FER1L6: variants seen among roughly 807,000 people sequenced by gnomAD.
FER1L6 encodes the protein fer-1 like family member 6.
FER1L6 carries 177 observed loss-of-function variants against 219.2 expected under a neutral mutation model. The observed-to-expected ratio is 0.81, with a 90% CI of 0.71 to 0.91. The LOEUF (loss-of-function observed/expected upper bound fraction) is 0.91. FER1L6 is among the 40% of genes least tolerant of loss of function. The pLI, the probability that FER1L6 is intolerant of heterozygous loss-of-function variation, is 0.00. For missense variants in FER1L6, 2,153 were observed against 2,259.9 expected, an observed-to-expected ratio of 0.95 and a Z score of 0.96; for synonymous variants, 768 against 824.3, an observed-to-expected ratio of 0.93 and a Z score of 1.17.
At chr8:124,022,671 A>C (rs1205869946) in intron 17 of FER1L6, among the ~76,000 whole-genome samples, 1 of 152,242 alleles carries the variant, frequency 6.6e-6, no homozygotes, top group Non-Finnish European at 1.5e-5. Flanking sequence ...AAGTCATTCA[A>C]AGACATTCAT....
intron 27 of FER1L6, 49 bp from the exon 28 acceptor site, chr8:124,067,718 T>C (rs1469713425): frequency 2.0e-6 from 3 of 1,487,114 alleles, no homozygotes; most frequent in Non-Finnish European, 1.9e-6. Context: ...AGCAGTCAAT[T>C]AATAAATCAA....
chr8:124,039,318 C>G (rs4871454), intron 19 of FER1L6, among the ~76,000 whole-genome samples: 127,909 of 152,120 alleles, frequency 0.84, 53,999 homozygotes, highest in Non-Finnish European at 0.87. Flanking sequence ...GAAAATGAGT[C>G]AATGGATGAC....
At chr8:124,079,502 A>T (rs558856566) in intron 32 of FER1L6, among the ~76,000 whole-genome samples, 2 of 152,206 alleles carry the variant, frequency 1.3e-5, no homozygotes, top group African/African-American at 2.4e-5. Context: ...TTAGCGTTTG[A>T]TTGAATAACT....
At position 124,070,498 on chromosome 8, in the gene FER1L6, A is replaced by G. The variant is rs1821024219; in HGVS notation, c.3866A>G (p.Asn1289Ser). 6.2e-7 allele frequency: 1 copy of G among 1,613,700 alleles called. No homozygotes were observed. Among genetic ancestry groups the G allele is most frequent in the South Asian group, 1.1e-5 (1 of 91,084 alleles). ...IYDGDLESEF[N>S]NFEDWVKTFE... is the part of the protein sequence containing the mutation. ...GACGGTGATCTCGAGAGTGAATTCA[A>G]CAATTTTGAAGACTGGGTGAAAACT... The change falls in exon 30 of 41, where the codon AAC becomes AGC. Residue 1289 changes from asparagine to serine, a missense_variant. Physicochemically the swap from Asn to Ser is conservative, Grantham distance 46 (BLOSUM62 1). Transcript: ENST00000522917.
intron 1 of FER1L6, among the ~76,000 whole-genome samples, chr8:123,854,250 G>C (rs1260771054): frequency 6.6e-6 from 1 of 152,060 alleles, no homozygotes; most frequent in Non-Finnish European, 1.5e-5. Context: ...GAGAGGATGA[G>C]AAAAAAATAT....
In FER1L6 at chr8:124,035,441, C is replaced by A. The variant is rs1413237797; in HGVS notation, c.2451C>A (p.Asn817Lys). Residue 817 changes from asparagine to lysine, a missense_variant, in exon 19 of 41, where the codon AAC (asparagine) becomes AAA (lysine). Asn to Lys is a moderately conservative substitution (Grantham distance 94). Coordinates refer to ENST00000522917, the MANE Select transcript of FER1L6 (RefSeq NM_001039112.2). The stretch of plus-strand genomic sequence containing the variant: ...CTGGCACCAATCACCCCCCATCTAA[C>A]CTGCTCTACCAAGGTAGGGTCCCCA... ...KGAGTNHPPS[N>K]LLYQEQHVFQ... is the part of the protein sequence containing the mutation. The A allele has an allele frequency of 1.2e-6, 2 of 1,612,882 alleles. No homozygotes were observed. The highest frequency in any genetic ancestry group is 1.8e-4 in the Middle Eastern group (1 of 5,406).
chr8:124,103,419 C>G lies in FER1L6; in HGVS notation c.5289+110C>G, dbSNP rs1011005726. On this transcript the variant is annotated intron_variant, in intron 39 of 40. Coordinates refer to ENST00000522917, the MANE Select transcript of FER1L6 (RefSeq NM_001039112.2). ...GTAAAATGCCTTGAAATGACATGAACCCTTCATGCAGAGGTTCTGCTAAGA... is the reference window on the plus strand; with the variant it reads ...GTAAAATGCCTTGAAATGACATGAAGCCTTCATGCAGAGGTTCTGCTAAGA... 2.0e-4 allele frequency: 211 copies of G among 1,071,042 alleles called. No individual in the cohort carries two copies. In the African/African-American group the frequency reaches 3.0e-3, roughly 15 times the overall value. 66.3% of individuals were successfully genotyped at this position (1,071,042 alleles called of 1,614,324 possible).
At chr8:123,865,505 C>A (rs1816819674) in intron 1 of FER1L6, among the ~76,000 whole-genome samples, 1 of 151,456 alleles carries the variant, frequency 6.6e-6, no homozygotes. Context: ...GTGGTGGGCT[C>A]CACCCAGTTT....
intron 39 of FER1L6, among the ~76,000 whole-genome samples, chr8:124,104,452 T>C (rs911753297): frequency 6.6e-6 from 1 of 152,178 alleles, no homozygotes; most frequent in African/African-American, 2.4e-5. Flanking sequence ...AGGGATGCAA[T>C]TGTCCTGATG....
At chr8:123,934,583 T>C (rs7018193) in intron 1 of FER1L6, among the ~76,000 whole-genome samples, 28,727 of 151,830 alleles carry the variant, frequency 0.19, 2,924 homozygotes, top group Middle Eastern at 0.22. Context: ...TCTCAATGTA[T>C]GGCTGGAGGA....
At chr8:123,905,048 T>C (rs925857655) in intron 1 of FER1L6, among the ~76,000 whole-genome samples, 1 of 152,228 alleles carries the variant, frequency 6.6e-6, no homozygotes, top group Non-Finnish European at 1.5e-5. Flanking sequence ...AGTTTCATTT[T>C]AGCTAGGATC....
chr8:123,933,933 T>C (rs1216431066), intron 1 of FER1L6, among the ~76,000 whole-genome samples: 1 of 152,158 alleles, frequency 6.6e-6, no homozygotes, highest in African/African-American at 2.4e-5. Context: ...GTAGTTAACA[T>C]TTCACCATCT....
intron 14 of FER1L6, among the ~76,000 whole-genome samples, chr8:124,012,403 G>C (rs2130573276): frequency 6.6e-6 from 1 of 152,278 alleles, no homozygotes; most frequent in Non-Finnish European, 1.5e-5. Flanking sequence ...TCTTGACAAA[G>C]CAAATCAGAA....
chr8:123,930,635 G>A (rs1008845265), intron 1 of FER1L6, among the ~76,000 whole-genome samples: 2 of 152,082 alleles, frequency 1.3e-5, no homozygotes, highest in Admixed American at 6.6e-5. Flanking sequence ...TTTCTACCAC[G>A]TTTTGTATGA....
At chr8:124,027,704 C>T (rs1011727893) in intron 18 of FER1L6, among the ~76,000 whole-genome samples, 1 of 152,184 alleles carries the variant, frequency 6.6e-6, no homozygotes, top group South Asian at 2.1e-4. Context: ...GGTCGACAGG[C>T]ATGTGCCACC....
Position 124,060,243 on chromosome 8 carries a change from C to T in FER1L6, c.2938C>T (p.Pro980Ser). ...VEPPDITQIY[P>S]VPANIRPVLS... is the part of the protein sequence containing the mutation. ...GCCACCAGACATCACCCAGATCTACCCGGTTCCTGCCAACATTCGGCCGGT... is the reference window on the plus strand; with the variant it reads ...GCCACCAGACATCACCCAGATCTACTCGGTTCCTGCCAACATTCGGCCGGT... The change falls in exon 23 of 41, where the codon CCG becomes TCG. Residue 980 changes from proline to serine, a missense_variant. Physicochemically the swap from Pro to Ser is moderately conservative, Grantham distance 74 (BLOSUM62 -1). Coordinates refer to ENST00000522917, the MANE Select transcript of FER1L6 (RefSeq NM_001039112.2). 7.4e-6 allele frequency: 12 copies of T among 1,613,872 alleles called. No individual in the cohort carries two copies. Among genetic ancestry groups the T allele is most frequent in the East Asian group, 6.7e-5 (3 of 44,854 alleles).
In FER1L6 at chr8:124,017,681, T is replaced by C. The variant is rs1818260426; in HGVS notation, c.1976T>C (p.Leu659Ser). 6.2e-7 allele frequency: 1 copy of C among 1,613,894 alleles called. No homozygotes were observed. Among genetic ancestry groups the C allele is most frequent in the Non-Finnish European group, 8.5e-7 (1 of 1,179,792 alleles). The change falls in exon 16 of 41, where the codon TTA (leucine) becomes TCA (serine). Residue 659 changes from leucine to serine, a missense_variant. Physicochemically the swap from Leu to Ser is moderately radical, Grantham distance 145. Coordinates refer to ENST00000522917, the MANE Select transcript of FER1L6 (RefSeq NM_001039112.2). ...CCCAAGATGTTGAACCAAACCACTT[T>C]AGATAAGAAGCGACTTACGCTCTGC... Reference protein sequence around the residue: ...KKPKMLNQTTLDKKRLTLCWQ... With the variant: ...KKPKMLNQTTSDKKRLTLCWQ...
Position 124,049,604 on chromosome 8 carries a change from T to C in FER1L6, c.2725-3T>C, listed in dbSNP as rs1385773396. 13 of 1,613,608 alleles carry C rather than the reference T, an allele frequency of 8.1e-6. No homozygotes were observed. The highest frequency in any genetic ancestry group is 1.7e-5 in the Admixed American group (1 of 60,002). ...ATACAAACTCATTTCTTTTCTTCTT[T>C]AGGGGAAGCCAGAATATTTGGGTGC... is the stretch of plus-strand genomic sequence containing the variant. On this transcript the variant is annotated splice_region_variant and splice_polypyrimidine_tract_variant and intron_variant, in intron 21 of 40. Transcript: ENST00000522917.
intron 12 of FER1L6, 97 bp from the exon 13 acceptor site, chr8:124,003,070 T>C (rs1817488975): frequency 2.0e-6 from 2 of 987,404 alleles, no homozygotes; most frequent in African/African-American, 1.6e-5. Flanking sequence ...GCTTACCTTA[T>C]TGCTGTGGGA....
Sources: allele counts gnomAD v4.1 joint callset (sites outside exome capture counted in the v4.1 genomes callset), GRCh38; gene constraint gnomAD v4.1.1; transcripts MANE v1.5; gene names NCBI Gene and HGNC (gene_info 2026-07-23, HGNC 2026-07-21).